Variants in ZC2HC1B observed in about 807,000 individuals in gnomAD.
ZC2HC1B encodes zinc finger C2HC-type containing 1B, also known as zinc finger C2HC domain-containing protein 1B.
A neutral mutation model predicts 31.0 loss-of-function variants in ZC2HC1B; 36 were observed. The observed-to-expected ratio is 1.16, with a 90% CI of 0.89 to 1.54. ZC2HC1B has a LOEUF of 1.54. ZC2HC1B is among the 40% of genes most tolerant of loss of function. The pLI is 0.00. For synonymous variants in ZC2HC1B, 73 were observed against 88.0 expected, an observed-to-expected ratio of 0.83 and a Z score of 0.95; for missense variants, 260 against 268.6, an observed-to-expected ratio of 0.97 and a Z score of 0.22.
intron 4 of ZC2HC1B, among the ~76,000 whole-genome samples, chr6:143,889,226 G>A (rs1443107638): frequency 2.0e-5 from 3 of 151,818 alleles, no homozygotes. Context: ...TTGCTATTTA[G>A]CTAATAAGAC....
intron 4 of ZC2HC1B, among the ~76,000 whole-genome samples, chr6:143,897,810 CCTCTGTAA>C (rs1156663295): frequency 6.6e-6 from 1 of 152,162 alleles, no homozygotes; most frequent in Non-Finnish European, 1.5e-5. Flanking sequence ...ATCCCATCTC[CCTCTGTAA>C]CTCTGTAACT....
intron 6 of ZC2HC1B, among the ~76,000 whole-genome samples, chr6:143,930,378 T>C (rs2128497735): frequency 8.3e-6 from 1 of 120,198 alleles, no homozygotes; most frequent in Non-Finnish European, 1.7e-5. Context: ...GTTTTGAGAG[T>C]TTCTTTTTTT....
At chr6:143,874,278 A>G (rs1333039336) in intron 1 of ZC2HC1B, among the ~76,000 whole-genome samples, 2 of 152,182 alleles carry the variant, frequency 1.3e-5, no homozygotes, top group African/African-American at 4.8e-5. Flanking sequence ...TCATATCACC[A>G]TCAGCATTTT....
rs1413801898 is a variant in ZC2HC1B at position 143,905,778 on chromosome 6, T to C, written c.598+2626T>C. Among the ~76,000 whole-genome samples, 1 of 152,206 alleles carries C rather than the reference T, an allele frequency of 6.6e-6. No homozygotes were observed. Among genetic ancestry groups the C allele is most frequent in the East Asian group, 1.9e-4 (1 of 5,208 alleles). On this transcript the variant is annotated intron_variant, in intron 6 of 7. Coordinates refer to ENST00000237275, the MANE Select transcript of ZC2HC1B (RefSeq NM_001013623.3). The surrounding 1 kb of genome is among the most constrained non-coding windows in gnomAD (Gnocchi z 4.2). ...TTTTATCATGAAAGGGTGTTGAATT[T>C]TCTCAAATGGTTTTTTTTGCATCAA...
intron 6 of ZC2HC1B, among the ~76,000 whole-genome samples, chr6:143,909,595 T>C (rs1454410532): frequency 6.6e-6 from 1 of 151,806 alleles, no homozygotes; most frequent in Non-Finnish European, 1.5e-5. Flanking sequence ...GAACTTGTTA[T>C]TGGTCTATTC....
chr6:143,918,715 T>C lies in ZC2HC1B; in HGVS notation c.598+15563T>C, dbSNP rs1777948919. 6.6e-6 allele frequency among the ~76,000 whole-genome samples: 1 copy of C among 152,200 alleles called. No homozygotes were observed. The highest frequency in any genetic ancestry group is 1.5e-5 in the Non-Finnish European group (1 of 68,030). ...GGTCAGTTTGACAGTGTCCCACAGG[T>C]CCCTAAGGCTCTGTTCACCTTTCCT... On this transcript the variant is annotated intron_variant, in intron 6 of 7. Coordinates refer to ENST00000237275, the MANE Select transcript of ZC2HC1B (RefSeq NM_001013623.3). The surrounding 1 kb of genome is among the most constrained non-coding windows in gnomAD (Gnocchi z 4.1).
At chr6:143,926,919 T>C (rs1379847009) in intron 6 of ZC2HC1B, among the ~76,000 whole-genome samples, 2 of 132,410 alleles carry the variant, frequency 1.5e-5, no homozygotes, top group Non-Finnish European at 3.1e-5. Flanking sequence ...CACGCCATTC[T>C]CCTGCCTCAG....
At position 143,931,814 on chromosome 6, in the gene ZC2HC1B, A is replaced by AT. The variant is rs199519321; in HGVS notation, c.599-5829dup. 7.2e-3 allele frequency among the ~76,000 whole-genome samples: 1,017 copies of AT among 142,008 alleles called. 6 individuals are homozygous for AT. Among genetic ancestry groups the AT allele is most frequent in the Non-Finnish European group, 8.6e-3 (562 of 65,118 alleles). 93.2% of individuals were successfully genotyped at this position (142,008 alleles called of 152,430 possible). ...CTGATGACTGTTTGCCTAGGTGATT[A>AT]TTTTTTGTGATGAATTTCCAAGGTG... On this transcript the variant is annotated intron_variant, in intron 6 of 7. Coordinates refer to ENST00000237275, the MANE Select transcript of ZC2HC1B (RefSeq NM_001013623.3).
rs189883662 is a variant in ZC2HC1B, at chr6:143,925,224, G to A, written c.599-12425G>A. Reference sequence around the variant, plus strand: ...AGAGTCTCACTCTGTCGCCCAGGCTGGAGTGCAGTGGTGCGATCTCCCCTC... The same window carrying A: ...AGAGTCTCACTCTGTCGCCCAGGCTAGAGTGCAGTGGTGCGATCTCCCCTC... On this transcript the variant is annotated intron_variant, in intron 6 of 7. Transcript: ENST00000237275. Among the ~76,000 whole-genome samples the A allele has an allele frequency of 7.4e-3, 988 of 134,028 alleles. 11 individuals carry two copies. Among genetic ancestry groups the A allele is most frequent in the African/African-American group, 0.027 (946 of 35,202 alleles). The allele number at this position is 134,028 out of a possible 152,430, so 87.9% of individuals were successfully genotyped here. A position where few individuals can be genotyped will look rare whatever the true frequency, so the allele number is the denominator to read the frequency against.
Position 143,903,110 on chromosome 6 carries a change from A to G in ZC2HC1B, c.556A>G (p.Asn186Asp), listed in dbSNP as rs1777755436. 9 of 1,552,140 alleles carry G rather than the reference A, an allele frequency of 5.8e-6. No individual in the cohort carries two copies. Among genetic ancestry groups the G allele is most frequent in the Non-Finnish European group, 7.8e-6 (9 of 1,147,082 alleles). The change falls in exon 6 of 8, where the codon AAC becomes GAC. Residue 186 changes from asparagine to aspartate, a missense_variant. Asn to Asp is a conservative substitution (Grantham distance 23). Transcript: ENST00000237275. This position sits in a 1 kb window ranked among gnomAD's most constrained non-coding sequence, Gnocchi z 4.3. ...VTSAVGALLQ[N>D]RVLVATNEVP... ...CAGTGCTGTGGGAGCTTTGCTGCAGAACAGGGTCCTGGTGGCCACGAATGA... is the reference window on the plus strand; with the variant it reads ...CAGTGCTGTGGGAGCTTTGCTGCAGGACAGGGTCCTGGTGGCCACGAATGA...
At chr6:143,902,757 A>G (rs1777751089) in intron 5 of ZC2HC1B, among the ~76,000 whole-genome samples, 3 of 152,206 alleles carry the variant, frequency 2.0e-5, no homozygotes, top group Admixed American at 2.0e-4. Flanking sequence ...TTATGTCTCC[A>G]TACAACTAAT....
intron 6 of ZC2HC1B, among the ~76,000 whole-genome samples, chr6:143,914,442 T>A (rs1436522390): frequency 6.6e-6 from 1 of 152,228 alleles, no homozygotes; most frequent in South Asian, 2.1e-4. Flanking sequence ...ACACTTCATA[T>A]GATATATGTC....
intron 4 of ZC2HC1B, among the ~76,000 whole-genome samples, chr6:143,897,090 C>T (rs557133188): frequency 2.4e-4 from 37 of 152,180 alleles, no homozygotes; most frequent in Admixed American, 6.5e-4. Flanking sequence ...TATGAATATA[C>T]ATTTTAGGAA....
Position 143,884,187 on chromosome 6 carries a change from T to A in ZC2HC1B, c.29-117T>A. ...CTTCCCAAAGGGAAGAAGCAGTTGG[T>A]GGGGAGGGAAAAGAGAGTGAGGATA... On this transcript the variant is annotated intron_variant, in intron 1 of 7. Transcript: ENST00000237275. This position sits in a 1 kb window ranked among gnomAD's most constrained non-coding sequence, Gnocchi z 5.1. 1.2e-6 allele frequency: 1 copy of A among 843,482 alleles called. No homozygotes were observed. Among genetic ancestry groups the A allele is most frequent in the East Asian group, 2.9e-5 (1 of 34,352 alleles). 52.2% of individuals were successfully genotyped at this position (843,482 alleles called of 1,614,324 possible). A position where few individuals can be genotyped will look rare whatever the true frequency, so the allele number is the denominator to read the frequency against.
chr6:143,896,101 C>T (rs1777662817), intron 4 of ZC2HC1B, among the ~76,000 whole-genome samples: 1 of 152,220 alleles, frequency 6.6e-6, no homozygotes, highest in South Asian at 2.1e-4. Flanking sequence ...CTCTCTGCCC[C>T]TCTGGTGGGG....
chr6:143,877,336 G>T lies in ZC2HC1B; in HGVS notation c.29-6968G>T, dbSNP rs1777420774. 6.6e-5 allele frequency among the ~76,000 whole-genome samples: 8 copies of T among 121,436 alleles called. 2 individuals are homozygous for T. The South Asian group carries it at 2.1e-3, about 32-fold the overall frequency. The allele number at this position is 121,436 out of a possible 152,430, so 79.7% of individuals were successfully genotyped here. On this transcript the variant is annotated intron_variant, in intron 1 of 7. Transcript: ENST00000237275. ...TTGCTCTTTTTGCCCAGCCTGGAGT[G>T]CAATGGCGCCATCTCAGTTCACCAA...
rs575801037 is a variant in ZC2HC1B, at chr6:143,921,541, C to A, written c.599-16108C>A. Among the ~76,000 whole-genome samples the A allele has an allele frequency of 2.6e-5, 4 of 152,290 alleles. No individual in the cohort carries two copies. The highest frequency in any genetic ancestry group is 9.6e-5 in the African/African-American group (4 of 41,564). The stretch of plus-strand genomic sequence containing the variant: ...AATTATTATCATAGAATAGAATTAT[C>A]ATGTTAATTAGCTTTAAGAGATAGC... On this transcript the variant is annotated intron_variant, in intron 6 of 7. Transcript: ENST00000237275. This position sits in a 1 kb window ranked among gnomAD's most constrained non-coding sequence, Gnocchi z 6.1.
chr6:143,873,594 AG>A (rs1777370557), intron 1 of ZC2HC1B, among the ~76,000 whole-genome samples: 1 of 152,224 alleles, frequency 6.6e-6, no homozygotes, highest in Non-Finnish European at 1.5e-5. Context: ...TCTGAAATCT[AG>A]GGGGAAGTTC....
chr6:143,868,712 G>T lies in ZC2HC1B; in HGVS notation c.28+4145G>T. Among the ~76,000 whole-genome samples, 1 of 152,082 alleles carries T rather than the reference G, an allele frequency of 6.6e-6. No homozygotes were observed. Among genetic ancestry groups the T allele is most frequent in the East Asian group, 1.9e-4 (1 of 5,188 alleles). ...ACTTCAACCCATACCCATCTCCTGA[G>T]ATCATACATAATCTTCAAATAAAGA... On this transcript the variant is annotated intron_variant, in intron 1 of 7. Coordinates refer to ENST00000237275, the MANE Select transcript of ZC2HC1B (RefSeq NM_001013623.3). The surrounding 1 kb of genome is among the most constrained non-coding windows in gnomAD (Gnocchi z 4.2).
Sources: allele counts gnomAD v4.1 joint callset (sites outside exome capture counted in the v4.1 genomes callset), GRCh38; gene constraint gnomAD v4.1.1; non-coding constraint Gnocchi (gnomAD v3.1); transcripts MANE v1.5; gene names NCBI Gene and HGNC (gene_info 2026-07-23, HGNC 2026-07-21).